Variants in SLIT3 observed in about 807,000 individuals in gnomAD.
SLIT3 encodes slit homolog 3 protein.
A neutral mutation model predicts 184.0 loss-of-function variants in SLIT3; 68 were observed. The observed-to-expected ratio is 0.37, with a 90% confidence interval of 0.30 to 0.45. The LOEUF is 0.45. SLIT3 is among the 20% of genes least tolerant of loss of function. The pLI is 1.00. For missense variants in SLIT3, 1,707 were observed against 2,026.0 expected, an observed-to-expected ratio of 0.84 and a Z score of 3.02; for synonymous variants, 831 against 828.6, an observed-to-expected ratio of 1.00 and a Z score of -0.05.
intron 4 of SLIT3, among the ~76,000 whole-genome samples, chr5:169,057,697 C>G (rs1193628981): frequency 6.6e-6 from 1 of 152,082 alleles, no homozygotes; most frequent in Non-Finnish European, 1.5e-5. Context: ...CCCCACGGTG[C>G]CAGAAGAAGG....
chr5:168,808,137 C>T (rs1046663346), intron 8 of SLIT3, among the ~76,000 whole-genome samples: 1 of 152,148 alleles, frequency 6.6e-6, no homozygotes, highest in African/African-American at 2.4e-5. Flanking sequence ...GTTGCCAGTG[C>T]TACACAAGTG....
intron 6 of SLIT3, among the ~76,000 whole-genome samples, chr5:168,835,018 T>C (rs1758003599): frequency 6.6e-6 from 1 of 152,164 alleles, no homozygotes; most frequent in African/African-American, 2.4e-5. Flanking sequence ...GTTTCTCAGT[T>C]GTGTAAGATG....
intron 3 of SLIT3, among the ~76,000 whole-genome samples, chr5:169,201,683 T>C (rs1763907348): frequency 6.6e-6 from 1 of 152,234 alleles, no homozygotes; most frequent in Admixed American, 6.5e-5. Flanking sequence ...GTTTGTTCCA[T>C]ATGGTATGAT....
intron 20 of SLIT3, among the ~76,000 whole-genome samples, chr5:168,736,084 C>T (rs982490263): frequency 1.3e-5 from 2 of 152,180 alleles, no homozygotes; most frequent in Non-Finnish European, 2.9e-5. Flanking sequence ...CTGATCTGGT[C>T]GGTTTTCTTA....
intron 32 of SLIT3, among the ~76,000 whole-genome samples, chr5:168,678,597 C>T (rs901059620): frequency 1.3e-5 from 2 of 152,028 alleles, no homozygotes; most frequent in African/African-American, 2.4e-5. Flanking sequence ...GCAGGAGAAT[C>T]ACCTGAACCC....
intron 4 of SLIT3, among the ~76,000 whole-genome samples, chr5:169,093,419 C>G (rs1357585551): frequency 7.3e-6 from 1 of 137,924 alleles, no homozygotes; most frequent in Non-Finnish European, 1.6e-5. Flanking sequence ...TTCTTTCTAT[C>G]AATTTAACTT....
chr5:168,986,381 T>A (rs1388947089), intron 4 of SLIT3, among the ~76,000 whole-genome samples: 1 of 144,110 alleles, frequency 6.9e-6, no homozygotes, highest in Non-Finnish European at 1.6e-5. Flanking sequence ...ATTTGGACGG[T>A]GGCGCCCTTC....
chr5:168,721,467 T>C (rs1247184663), intron 23 of SLIT3, among the ~76,000 whole-genome samples: 1 of 152,204 alleles, frequency 6.6e-6, no homozygotes, highest in Non-Finnish European at 1.5e-5. Context: ...ACCATAATTA[T>C]CTGATTTTAT....
At chr5:168,951,024 C>T (rs370147194) in intron 4 of SLIT3, among the ~76,000 whole-genome samples, 3 of 152,282 alleles carry the variant, frequency 2.0e-5, no homozygotes, top group Middle Eastern at 3.4e-3. Flanking sequence ...AGTTGGAGAC[C>T]AGCCTGGCAA....
At chr5:168,805,664 G>A (rs1756930473) in intron 9 of SLIT3, among the ~76,000 whole-genome samples, 1 of 152,138 alleles carries the variant, frequency 6.6e-6, no homozygotes, top group African/African-American at 2.4e-5. Context: ...TGACATTCAT[G>A]TATACACAGA....
At chr5:169,080,705 C>T (rs1237858498) in intron 4 of SLIT3, among the ~76,000 whole-genome samples, 1 of 152,286 alleles carries the variant, frequency 6.6e-6, no homozygotes, top group East Asian at 1.9e-4. Context: ...ACTCTGTGGC[C>T]GGGGCTGACC....
At chr5:168,778,067 A>T (rs1755822963) in intron 12 of SLIT3, among the ~76,000 whole-genome samples, 1 of 152,084 alleles carries the variant, frequency 6.6e-6, no homozygotes, top group South Asian at 2.1e-4. Context: ...CCCTTTTTGC[A>T]GCAGAGATTC....
At chr5:169,054,570 T>G (rs1162487606) in intron 4 of SLIT3, among the ~76,000 whole-genome samples, 1 of 152,166 alleles carries the variant, frequency 6.6e-6, no homozygotes, top group African/African-American at 2.4e-5. Flanking sequence ...CAAAGTGATC[T>G]TCCCAAAACG....
chr5:169,294,873 C>T (rs1037657361), intron 1 of SLIT3, among the ~76,000 whole-genome samples: 2 of 152,148 alleles, frequency 1.3e-5, no homozygotes, highest in Non-Finnish European at 2.9e-5. Flanking sequence ...CACTGTGACA[C>T]AATCATAAGT....
chr5:168,736,094 ACTGT>A (rs1763427704), intron 20 of SLIT3, among the ~76,000 whole-genome samples: 1 of 151,996 alleles, frequency 6.6e-6, no homozygotes, highest in Admixed American at 6.6e-5. Flanking sequence ...CGGTTTTCTT[ACTGT>A]CTTTCTCCCC....
intron 4 of SLIT3, among the ~76,000 whole-genome samples, chr5:168,975,412 C>T (rs1212778923): frequency 6.6e-6 from 1 of 152,110 alleles, no homozygotes; most frequent in Non-Finnish European, 1.5e-5. Context: ...TCAGTCCAGC[C>T]AGGAAATCCA....
At chr5:169,293,487 A>T (rs1767415000) in intron 1 of SLIT3, among the ~76,000 whole-genome samples, 1 of 152,038 alleles carries the variant, frequency 6.6e-6, no homozygotes, top group Non-Finnish European at 1.5e-5. Flanking sequence ...TCATGCTCTG[A>T]TAGGAGGTCT....
chr5:168,722,560 G>A (rs191508189), intron 22 of SLIT3, among the ~76,000 whole-genome samples: 4 of 152,268 alleles, frequency 2.6e-5, no homozygotes, highest in Admixed American at 6.5e-5. Flanking sequence ...CAGCTTGTTC[G>A]TCACCTCTCT....
intron 4 of SLIT3, among the ~76,000 whole-genome samples, chr5:169,170,379 C>T (rs1162832300): frequency 6.6e-6 from 1 of 152,176 alleles, no homozygotes; most frequent in South Asian, 2.1e-4. Context: ...CTGCTAGGGG[C>T]CTGCTCTTCC....
Sources: gnomAD v4.1 joint callset for allele counts (sites outside exome capture counted in the v4.1 genomes callset) on GRCh38, gnomAD v4.1.1 for gene constraint, MANE v1.5 for transcripts, NCBI Gene and HGNC (gene_info 2026-07-23, HGNC 2026-07-21) for gene names.